The following PAPPA2 variants were observed in gnomAD, a reference collection of about 807,000 sequenced individuals.
PAPPA2 encodes pappalysin 2.
Under a neutral mutation model 176.4 loss-of-function variants are expected in PAPPA2, and 86 were observed. The observed-to-expected ratio is 0.49, with a 90% CI of 0.41 to 0.58. The LOEUF (loss-of-function observed/expected upper bound fraction) is 0.58, where lower values mean the gene tolerates loss of function less well. Among genes scored for constraint, PAPPA2 ranks in the 20% least tolerant of loss-of-function variants. The pLI, the probability that PAPPA2 is intolerant of heterozygous loss-of-function variation, is 0.00. For missense variants in PAPPA2, 2,073 were observed against 2,256.9 expected (o/e 0.92, Z 1.65); for synonymous variants, 809 against 852.2 (o/e 0.95, Z 0.88).
At position 176,702,701 on chromosome 1, in the gene PAPPA2, G is replaced by A. The variant is rs1424338387; in HGVS notation, c.3331G>A (p.Gly1111Arg). 2 of 1,606,512 alleles carry A rather than the reference G, an allele frequency of 1.2e-6. No individual in the cohort carries two copies. The highest frequency in any genetic ancestry group is 1.7e-6 in the Non-Finnish European group (2 of 1,175,650). Residue 1111 changes from glycine to arginine, a missense_variant, in exon 9 of 23, where the codon GGA becomes AGA. Gly to Arg is a moderately radical substitution (Grantham distance 125). Transcript: ENST00000367662. ...TTCGCCTCCTCTGAACCACATTCAT[G>A]GAGCTCCTTATTGTGGAGATGGGAA... Reference protein sequence around the residue: ...EASPPLNHIHGAPYCGDGKVS... With the variant: ...EASPPLNHIHRAPYCGDGKVS...
intron 3 of PAPPA2, among the ~76,000 whole-genome samples, chr1:176,608,635 G>A (rs191926096): frequency 6.6e-6 from 1 of 152,208 alleles, no homozygotes; most frequent in East Asian, 1.9e-4. Flanking sequence ...AGTGCAGTCC[G>A]TGGGAATTCT....
chr1:176,529,860 GT>G (rs1234147172), intron 1 of PAPPA2, among the ~76,000 whole-genome samples: 4 of 152,080 alleles, frequency 2.6e-5, no homozygotes, highest in South Asian at 4.2e-4. Flanking sequence ...TTGAGGCCAA[GT>G]TTTTTTCCCC....
chr1:176,647,996 G>A (rs987226613), intron 3 of PAPPA2, among the ~76,000 whole-genome samples: 3 of 151,276 alleles, frequency 2.0e-5, no homozygotes, highest in African/African-American at 7.3e-5. Context: ...TGGTATTTTG[G>A]TAGAAATTGC....
chr1:176,818,948 G>A (rs1666520106), intron 21 of PAPPA2, among the ~76,000 whole-genome samples: 2 of 152,112 alleles, frequency 1.3e-5, no homozygotes, highest in Non-Finnish European at 2.9e-5. Context: ...CTATTATTTA[G>A]TAGAATTATC....
At chr1:176,592,934 C>G (rs907211609) in intron 2 of PAPPA2, among the ~76,000 whole-genome samples, 2 of 152,124 alleles carry the variant, frequency 1.3e-5, no homozygotes, top group Admixed American at 6.5e-5. Flanking sequence ...AAAATCCTCT[C>G]AATACAAAAG....
At chr1:176,534,584 G>A (rs1649973457) in intron 1 of PAPPA2, among the ~76,000 whole-genome samples, 1 of 152,168 alleles carries the variant, frequency 6.6e-6, no homozygotes, top group African/African-American at 2.4e-5. Context: ...AACTAGGAGG[G>A]AATCATCTTA....
In PAPPA2 at chr1:176,786,699, G is replaced by T. The variant is rs149889334; in HGVS notation, c.4716-3110G>T. Among the ~76,000 whole-genome samples, 1,191 of 152,328 alleles carry T rather than the reference G, an allele frequency of 7.8e-3. 18 individuals carry two copies. Among genetic ancestry groups the T allele is most frequent in the African/African-American group, 0.027 (1,107 of 41,572 alleles). ...CGTGGCAGGAGGACCGGGGGCTTCT[G>T]CTGTGAGCAAACCTGGGTCTGCATC... On this transcript the variant is annotated intron_variant, in intron 17 of 22. Coordinates refer to ENST00000367662, the MANE Select transcript of PAPPA2 (RefSeq NM_020318.3).
chr1:176,578,072 A>G (rs1652755576), intron 2 of PAPPA2, among the ~76,000 whole-genome samples: 1 of 152,112 alleles, frequency 6.6e-6, no homozygotes, highest in Non-Finnish European at 1.5e-5. Flanking sequence ...GTGAGATTCC[A>G]TGGATGTGTC....
intron 20 of PAPPA2, among the ~76,000 whole-genome samples, chr1:176,796,082 A>AGTGTCCTCTTGATGG (rs1198182478): frequency 6.6e-6 from 1 of 152,136 alleles, no homozygotes; most frequent in African/African-American, 2.4e-5. Flanking sequence ...CCACCCCCAA[A>AGTGTCCTCTTGATGG]GTGTCCTCTT....
Position 176,470,075 on chromosome 1 carries a change from A to T in PAPPA2, c.-917+6657A>T, listed in dbSNP as rs1202906768. On this transcript the variant is annotated intron_variant, in intron 1 of 22. Transcript: ENST00000367662. ...ATGGAATTTCTGTAACAGGAAACAA[A>T]ATGTTCAGTTAAGTCTCCAAATGCA... 2.0e-5 allele frequency among the ~76,000 whole-genome samples: 3 copies of T among 152,166 alleles called. No homozygotes were observed. In the South Asian group the frequency reaches 6.2e-4, roughly 31 times the overall value.
intron 21 of PAPPA2, among the ~76,000 whole-genome samples, chr1:176,816,372 A>C (rs529464846): frequency 3.3e-4 from 20 of 60,842 alleles, no homozygotes; most frequent in African/African-American, 1.0e-3. Flanking sequence ...CTCTGACATC[A>C]TCACGCACAC....
chr1:176,667,153 G>A (rs1218021464), intron 3 of PAPPA2, among the ~76,000 whole-genome samples: 7 of 152,060 alleles, frequency 4.6e-5, no homozygotes, highest in African/African-American at 1.4e-4. Flanking sequence ...GGCTGAGGCA[G>A]GAGAATCGCT....
intron 1 of PAPPA2, among the ~76,000 whole-genome samples, chr1:176,479,314 G>A (rs1185905181): frequency 1.3e-5 from 2 of 152,142 alleles, no homozygotes; most frequent in African/African-American, 2.4e-5. Context: ...TGTTCTTCTT[G>A]TGGAGGTTTT....
chr1:176,549,258 A>G (rs1229342260), intron 1 of PAPPA2, among the ~76,000 whole-genome samples: 2 of 152,256 alleles, frequency 1.3e-5, no homozygotes, highest in African/African-American at 2.4e-5. Flanking sequence ...AGTGTTTTTA[A>G]TAAAGTCACA....
intron 3 of PAPPA2, 41 bp from the exon 4 acceptor site, chr1:176,670,929 A>G (rs554858291): frequency 5.8e-5 from 94 of 1,611,778 alleles, no homozygotes; most frequent in South Asian, 4.6e-4. Context: ...CTAAGTACCA[A>G]TTCTTTGCTG....
intron 3 of PAPPA2, among the ~76,000 whole-genome samples, chr1:176,651,186 G>A (rs1040662333): frequency 2.0e-5 from 3 of 151,472 alleles, no homozygotes; most frequent in Admixed American, 6.6e-5. Flanking sequence ...CAGTATTAAT[G>A]TATTCTGCAT....
At chr1:176,840,405 C>T (rs1667443549) in intron 22 of PAPPA2, 134 bp downstream of exon 22, 1 of 687,998 alleles carries the variant, frequency 1.5e-6, no homozygotes, top group East Asian at 2.7e-5. Flanking sequence ...AATGAACAAA[C>T]ATTGGAGCTT....
intron 1 of PAPPA2, among the ~76,000 whole-genome samples, chr1:176,473,274 G>A (rs1651966593): frequency 6.6e-6 from 1 of 151,982 alleles, no homozygotes; most frequent in Admixed American, 6.6e-5. Flanking sequence ...TCATATAATT[G>A]GGATCATACA....
At position 176,572,982 on chromosome 1, in the gene PAPPA2, A is replaced by G. The variant is rs140930244; in HGVS notation, c.919+15741A>G. On this transcript the variant is annotated intron_variant, in intron 2 of 22. Coordinates refer to ENST00000367662, the MANE Select transcript of PAPPA2 (RefSeq NM_020318.3). ...GAAAATTTCTGAGAGGGATCTCAAA[A>G]TTATTTATTTGACTGAGAAGAGAAA... Among the ~76,000 whole-genome samples, 194 of 152,306 alleles carry G rather than the reference A, an allele frequency of 1.3e-3. 1 individual carries two copies. Among genetic ancestry groups the G allele is most frequent in the Admixed American group, 2.4e-3 (36 of 15,304 alleles).
Sources: gnomAD v4.1 joint callset for allele counts (sites outside exome capture counted in the v4.1 genomes callset) on GRCh38, gnomAD v4.1.1 for gene constraint, MANE v1.5 for transcripts, NCBI Gene and HGNC (gene_info 2026-07-23, HGNC 2026-07-21) for gene names.